Variants in CYP2C19 observed in about 807,000 individuals in gnomAD.
CYP2C19 encodes cytochrome P450 2C19.
A neutral mutation model predicts 40.9 loss-of-function variants in CYP2C19; 59 were observed. That is an observed-to-expected ratio of 1.44 (90% CI 1.17 to 1.79). The LOEUF (loss-of-function observed/expected upper bound fraction) is 1.79, where lower values mean the gene tolerates loss of function less well. CYP2C19 is among the 40% of genes most tolerant of loss of function. The pLI is 0.00. For synonymous variants in CYP2C19, 253 were observed against 208.7 expected (o/e 1.21, Z -1.83); for missense variants, 754 against 596.9 (o/e 1.26, Z -2.74).
chr10:94,842,307 C>G (rs1419378995), intron 6 of CYP2C19, among the ~76,000 whole-genome samples: 3 of 151,354 alleles, frequency 2.0e-5, no homozygotes, highest in Non-Finnish European at 4.4e-5. Context: ...AATATAATAA[C>G]TCTTCCTCTT....
At chr10:94,775,827 A>C (rs982380939) in intron 3 of CYP2C19, 2 of 490,166 alleles carry the variant, frequency 4.1e-6, no homozygotes, top group African/African-American at 3.9e-5. Context: ...ATAGATTTTG[A>C]GTTCATTTTT....
intron 6 of CYP2C19, 143 bp downstream of exon 6, chr10:94,820,780 G>T (rs915241909): frequency 1.4e-5 from 15 of 1,083,354 alleles, no homozygotes; most frequent in Admixed American, 4.3e-5. Context: ...CAATTTAATG[G>T]TGTGATTAAA....
chr10:94,779,476 C>G (rs1051824123), intron 3 of CYP2C19, among the ~76,000 whole-genome samples: 3 of 151,820 alleles, frequency 2.0e-5, no homozygotes, highest in Non-Finnish European at 4.4e-5. Context: ...GCATTTAATT[C>G]CTAGAGAAGA....
At chr10:94,851,487 T>TAAG (rs1332189464) in intron 8 of CYP2C19, among the ~76,000 whole-genome samples, 1 of 99,410 alleles carries the variant, frequency 1.0e-5, no homozygotes, top group Non-Finnish European at 2.2e-5. Context: ...AATAAATAAA[T>TAAG]AAATAAGAAA....
rs569429124 is a variant in CYP2C19 at position 94,794,297 on chromosome 10, C to A, written c.819+12300C>A. Among the ~76,000 whole-genome samples, 414 of 152,236 alleles carry A rather than the reference C, an allele frequency of 2.7e-3. 2 individuals carry two copies. Among genetic ancestry groups the A allele is most frequent in the African/African-American group, 9.6e-3 (398 of 41,572 alleles). On this transcript the variant is annotated intron_variant, in intron 5 of 8. Coordinates refer to ENST00000371321, the MANE Select transcript of CYP2C19 (RefSeq NM_000769.4). ...GCTTGGAAAGGGAATTCCCCCACCCCTTGTGCCTCCCAGGTGAGGCGATGC... is the reference window on the plus strand; with the variant it reads ...GCTTGGAAAGGGAATTCCCCCACCCATTGTGCCTCCCAGGTGAGGCGATGC...
chr10:94,782,744 A>T (rs1014299989), intron 5 of CYP2C19, among the ~76,000 whole-genome samples: 1 of 152,194 alleles, frequency 6.6e-6, no homozygotes, highest in African/African-American at 2.4e-5. Flanking sequence ...GATTAAGAAA[A>T]TGTGGCACAT....
intron 1 of CYP2C19, among the ~76,000 whole-genome samples, chr10:94,768,267 G>T (rs1848275714): frequency 6.6e-6 from 1 of 152,174 alleles, no homozygotes; most frequent in Non-Finnish European, 1.5e-5. Flanking sequence ...TGTGGGAAGA[G>T]GCTTACTTTC....
At chr10:94,817,486 G>C (rs1294230588) in intron 5 of CYP2C19, among the ~76,000 whole-genome samples, 1 of 143,788 alleles carries the variant, frequency 7.0e-6, no homozygotes, top group South Asian at 2.4e-4. Context: ...TTAGCCCTTT[G>C]TCAGATGAGT....
intron 7 of CYP2C19, among the ~76,000 whole-genome samples, chr10:94,847,997 A>G (rs1232610219): frequency 2.6e-5 from 4 of 152,134 alleles, no homozygotes; most frequent in South Asian, 2.1e-4. Flanking sequence ...AGATGAGTAG[A>G]TTGCAAAAAT....
intron 3 of CYP2C19, among the ~76,000 whole-genome samples, chr10:94,776,890 A>G (rs1467677662): frequency 1.3e-5 from 2 of 152,154 alleles, no homozygotes; most frequent in African/African-American, 4.8e-5. Flanking sequence ...ATGATTGTAT[A>G]TTTAGAAAAC....
chr10:94,830,511 G>A lies in CYP2C19; in HGVS notation c.961+9874G>A, dbSNP rs541862844. On this transcript the variant is annotated intron_variant, in intron 6 of 8. Coordinates refer to ENST00000371321, the MANE Select transcript of CYP2C19 (RefSeq NM_000769.4). ...GTGAGGCAATGCCTCGCCCTGCTTC[G>A]GCTCCCGCAGGGTGCACGCACCCAC... 3.2e-3 allele frequency among the ~76,000 whole-genome samples: 482 copies of A among 152,206 alleles called. 3 individuals are homozygous for A. The highest frequency in any genetic ancestry group is 0.011 in the African/African-American group (448 of 41,544).
At chr10:94,816,474 T>C (rs1272980915) in intron 5 of CYP2C19, among the ~76,000 whole-genome samples, 2 of 152,112 alleles carry the variant, frequency 1.3e-5, no homozygotes, top group Non-Finnish European at 2.9e-5. Context: ...CAGCAGGCTA[T>C]TTATAACTCC....
chr10:94,845,409 T>C (rs1849557444), intron 7 of CYP2C19, among the ~76,000 whole-genome samples: 1 of 152,210 alleles, frequency 6.6e-6, no homozygotes, highest in Admixed American at 6.5e-5. Context: ...TTAGCTCACA[T>C]ACTATACAAA....
At chr10:94,818,871 A>T (rs561079192) in intron 5 of CYP2C19, among the ~76,000 whole-genome samples, 3 of 152,082 alleles carry the variant, frequency 2.0e-5, no homozygotes, top group Admixed American at 6.5e-5. Flanking sequence ...TCCTAATTGA[A>T]TCCCCTTTAT....
At position 94,828,510 on chromosome 10, in the gene CYP2C19, G is replaced by T. The variant is rs1201673413; in HGVS notation, c.961+7873G>T. Among the ~76,000 whole-genome samples the T allele has an allele frequency of 3.2e-3, 462 of 146,068 alleles. 1 individual carries two copies. The highest frequency in any genetic ancestry group is 0.01 in the African/African-American group (399 of 38,924). ...CCCCTGCCTTTTTTTGTTTTCCATT[G>T]GCTTGGTAGATCTTCCTCCATCCTT... On this transcript the variant is annotated intron_variant, in intron 6 of 8. Transcript: ENST00000371321.
chr10:94,837,012 A>G (rs1231048561), intron 6 of CYP2C19, among the ~76,000 whole-genome samples: 4 of 152,002 alleles, frequency 2.6e-5, no homozygotes. Flanking sequence ...TCAAAGGCAA[A>G]CAAGAATTGA....
intron 6 of CYP2C19, among the ~76,000 whole-genome samples, chr10:94,829,024 G>C (rs184084521): frequency 1.3e-5 from 2 of 152,060 alleles, no homozygotes; most frequent in Non-Finnish European, 2.9e-5. Context: ...AGTTTCTGCC[G>C]AGAGATCTGC....
In CYP2C19 at chr10:94,820,512, A is replaced by T. The variant is rs61526399; in HGVS notation, c.836A>T (p.Gln279Leu). Reference sequence around the variant, plus strand: ...CATTCCTAGGAAAAGCAAAACCAACAGTCTGAATTCACTATTGAAAACTTG... The same window carrying T: ...CATTCCTAGGAAAAGCAAAACCAACTGTCTGAATTCACTATTGAAAACTTG... ...IKMEKEKQNQ[Q>L]SEFTIENLVI... The change falls in exon 6 of 9, where the codon CAG (glutamine) becomes CTG (leucine). Residue 279 changes from glutamine to leucine, a missense_variant. Coordinates refer to ENST00000371321, the MANE Select transcript of CYP2C19 (RefSeq NM_000769.4). 6.2e-7 allele frequency: 1 copy of T among 1,614,198 alleles called. No individual in the cohort carries two copies. Among genetic ancestry groups the T allele is most frequent in the Non-Finnish European group, 8.5e-7 (1 of 1,180,030 alleles).
intron 6 of CYP2C19, among the ~76,000 whole-genome samples, chr10:94,835,646 A>T (rs1487125350): frequency 6.6e-6 from 1 of 152,070 alleles, no homozygotes. Flanking sequence ...GTTTCTGTAC[A>T]GCCAATAATA....
Sources: gnomAD v4.1 joint callset for allele counts (sites outside exome capture counted in the v4.1 genomes callset) on GRCh38, gnomAD v4.1.1 for gene constraint, MANE v1.5 for transcripts, NCBI Gene and HGNC (gene_info 2026-07-23, HGNC 2026-07-21) for gene names.